The following INPP5J variants were observed in gnomAD, a reference collection of about 807,000 sequenced individuals.
INPP5J encodes the protein inositol polyphosphate-5-phosphatase J.
A neutral mutation model predicts 86.6 loss-of-function variants in INPP5J; 75 were observed. The ratio of observed to expected loss-of-function variants is 0.87; its 90% confidence interval spans 0.72 to 1.05. INPP5J has a LOEUF of 1.05. Ranked by LOEUF, INPP5J falls within the 50% of genes least tolerant of loss-of-function variation. The probability of loss-of-function intolerance (pLI) is 0.00; values close to 1 mark genes in which losing one functional copy is unlikely to be tolerated. For missense variants in INPP5J, 1,229 were observed against 1,341.2 expected (o/e 0.92, Z 1.31); for synonymous variants, 540 against 550.0 (o/e 0.98, Z 0.25).
At chr22:31,133,562 G>A (rs1181989308) in intron 11 of INPP5J, 48 bp from the exon 12 acceptor site, 2 of 1,593,356 alleles carry the variant, frequency 1.3e-6, no homozygotes, top group South Asian at 2.2e-5. Flanking sequence ...GGGCTCTCAG[G>A]TGGCCTCCCT....
chr22:31,125,320 A>G lies in INPP5J; in HGVS notation c.581A>G (p.Gln194Arg). The change falls in exon 2 of 13, where the codon CAG becomes CGG. Residue 194 changes from glutamine (Q) to arginine (R), a missense_variant. Coordinates refer to ENST00000331075, the MANE Select transcript of INPP5J (RefSeq NM_001284285.2). ...AGCCTGGCCCTGGCTTCTGAGGAGC[A>G]GCCCCCAGAACTCCCCTCCACCCCT... The part of the protein sequence containing the change: ...GLSLALASEE[Q>R]PPELPSTPSP... The G allele has an allele frequency of 6.4e-7, 1 of 1,550,492 alleles. No individual in the cohort carries two copies. Among genetic ancestry groups the G allele is most frequent in the East Asian group, 2.4e-5 (1 of 40,906 alleles).
In INPP5J at chr22:31,134,128, C is replaced by T; in HGVS notation, c.2730C>T (p.Ser910=). 6.4e-7 allele frequency: 1 copy of T among 1,550,644 alleles called. No homozygotes were observed. Among genetic ancestry groups the T allele is most frequent in the Non-Finnish European group, 8.7e-7 (1 of 1,147,038 alleles). The change falls in exon 13 of 13, where the codon AGC becomes AGT. Residue 910 remains serine, a synonymous_variant. Coordinates refer to ENST00000331075, the MANE Select transcript of INPP5J (RefSeq NM_001284285.2). ...RPSSRERRGA[S]RSPSPQSRRL... ...CATCCCGTGAACGCCGTGGTGCCAG[C>T]CGTAGCCCCTCACCCCAGAGCCGCC...
In INPP5J at chr22:31,125,215, T is replaced by G; in HGVS notation, c.476T>G (p.Leu159Arg). 6.4e-7 allele frequency: 1 copy of G among 1,550,432 alleles called. No homozygotes were observed. Among genetic ancestry groups the G allele is most frequent in the Non-Finnish European group, 8.7e-7 (1 of 1,146,940 alleles). The change falls in exon 2 of 13, where the codon CTG becomes CGG. Residue 159 changes from leucine (L) to arginine (R), a missense_variant. Physicochemically the swap from Leu to Arg is moderately radical, Grantham distance 102. Transcript: ENST00000331075. ...CCCCCAGTCACCCTGGGGCCCAATC[T>G]GGCCCCAACCTCCAGAGACCAGAAG... ...RSPPVTLGPN[L>R]APTSRDQKQE...
Position 31,134,165 on chromosome 22 carries a change from G to T in INPP5J, c.2767G>T (p.Val923Leu). The change falls in exon 13 of 13, where the codon GTG becomes TTG. Residue 923 changes from valine (V) to leucine (L), a missense_variant. Coordinates refer to ENST00000331075, the MANE Select transcript of INPP5J (RefSeq NM_001284285.2). Reference sequence around the variant, plus strand: ...ACCCCAGAGCCGCCGCCTGTCCCGAGTGGCTCCTGACAGGAGCAGTAATGG... The same window carrying T: ...ACCCCAGAGCCGCCGCCTGTCCCGATTGGCTCCTGACAGGAGCAGTAATGG... ...PSPQSRRLSRVAPDRSSNGSS... is the reference protein window; with the variant it reads ...PSPQSRRLSRLAPDRSSNGSS... 2.6e-6 allele frequency: 4 copies of T among 1,549,520 alleles called. No individual in the cohort carries two copies. The highest frequency in any genetic ancestry group is 3.5e-6 in the Non-Finnish European group (4 of 1,146,208).
At chr22:31,124,607 G>A (rs1366553864) in intron 1 of INPP5J, among the ~76,000 whole-genome samples, 1 of 152,214 alleles carries the variant, frequency 6.6e-6, no homozygotes, top group Non-Finnish European at 1.5e-5. Context: ...CAGGGTCTGA[G>A]TTTCCCCATC....
rs1268446945 is a variant in INPP5J at position 31,132,754 on chromosome 22, A to G, written c.2194-344A>G. On this transcript the variant is annotated intron_variant, in intron 9 of 12. Transcript: ENST00000331075. ...ACTCCATCTCAGAAAAAGAAAAAAA[A>G]AAAAAAGAGTCTCTGAGTTTACAGA... Among the ~76,000 whole-genome samples the G allele has an allele frequency of 7.9e-5, 12 of 151,992 alleles. No individual in the cohort carries two copies. The East Asian group carries it at 2.3e-3, about 29-fold the overall frequency.
At chr22:31,133,016 C>CTA in intron 9 of INPP5J, 82 bp from the exon 10 acceptor site, 1 of 1,525,642 alleles carries the variant, frequency 6.6e-7, no homozygotes, top group South Asian at 1.2e-5. Context: ...GCAATTTGTG[C>CTA]TAAGACCCAA....
chr22:31,131,130 C>T (rs1468491132), intron 9 of INPP5J, among the ~76,000 whole-genome samples: 1 of 152,154 alleles, frequency 6.6e-6, no homozygotes, highest in Non-Finnish European at 1.5e-5. Flanking sequence ...TGGAAATATC[C>T]CCACGCTTGG....
At chr22:31,122,926 G>A, upstream of INPP5J, 1 of 913,672 alleles carries the variant, frequency 1.1e-6, no homozygotes. Context: ...TTCTCAGCAG[G>A]TTGAAATGGC....
At chr22:31,129,563 T>TA (rs1555981490) in intron 9 of INPP5J, among the ~76,000 whole-genome samples, 2 of 134,324 alleles carry the variant, frequency 1.5e-5, no homozygotes, top group Admixed American at 7.6e-5. Flanking sequence ...TTTTTTTTTT[T>TA]AATGCAGTCT....
chr22:31,131,748 A>G (rs901734155), intron 9 of INPP5J, among the ~76,000 whole-genome samples: 1 of 152,176 alleles, frequency 6.6e-6, no homozygotes, highest in Non-Finnish European at 1.5e-5. Flanking sequence ...CAATGCAGTC[A>G]GAATAGGGCT....
Position 31,134,681 on chromosome 22 carries a change from T to G in INPP5J, c.*262T>G. On this transcript the variant is annotated 3_prime_UTR_variant, in exon 13 of 13. Transcript: ENST00000331075. Reference sequence around the variant, plus strand: ...ATCCTGGAGGTCATCCATTAGGAATTAAATTCTCCAGCCTCACTCTCGGCT... The same window carrying G: ...ATCCTGGAGGTCATCCATTAGGAATGAAATTCTCCAGCCTCACTCTCGGCT... 2.5e-6 allele frequency: 1 copy of G among 397,594 alleles called. No homozygotes were observed. 24.6% of individuals were successfully genotyped at this position (397,594 alleles called of 1,614,324 possible). A position where few individuals can be genotyped will look rare whatever the true frequency, so the allele number is the denominator to read the frequency against.
chr22:31,126,132 G>T, intron 2 of INPP5J, 122 bp downstream of exon 2: 1 of 1,060,142 alleles, frequency 9.4e-7, no homozygotes, highest in Non-Finnish European at 1.3e-6. Flanking sequence ...TTGGGGAGGG[G>T]GTTGCTGGGC....
chr22:31,133,809 C>A (rs1440640444), intron 12 of INPP5J, 95 bp downstream of exon 12: 4 of 1,589,042 alleles, frequency 2.5e-6, no homozygotes, highest in Non-Finnish European at 3.4e-6. Context: ...GACAAATAAC[C>A]TGACCTCCCA....
intron 7 of INPP5J, 65 bp downstream of exon 7, chr22:31,128,127 G>T: frequency 6.9e-7 from 1 of 1,457,852 alleles, no homozygotes. Flanking sequence ...CTTAGACTAT[G>T]GTCCCTGTCC....
rs766322918 is a variant in INPP5J, at chr22:31,125,191, C to T, written c.452C>T (p.Pro151Leu). 1.3e-4 allele frequency: 204 copies of T among 1,550,398 alleles called. No homozygotes were observed. Among genetic ancestry groups the T allele is most frequent in the Middle Eastern group, 3.3e-4 (2 of 6,014 alleles). Reference sequence around the variant, plus strand: ...CCTGCCTCAGCAGGGCCAAGATCTCCCCCAGTCACCCTGGGGCCCAATCTG... The same window carrying T: ...CCTGCCTCAGCAGGGCCAAGATCTCTCCCAGTCACCCTGGGGCCCAATCTG... Reference protein sequence around the residue: ...VMPASAGPRSPPVTLGPNLAP... With the variant: ...VMPASAGPRSLPVTLGPNLAP... The change falls in exon 2 of 13, where the codon CCC becomes CTC. Residue 151 changes from proline to leucine, a missense_variant. By Grantham distance (98) the Pro-to-Leu change is moderately conservative (BLOSUM62 -3). Transcript: ENST00000331075.
At position 31,133,128 on chromosome 22, in the gene INPP5J, C is replaced by T. The variant is rs1376875611; in HGVS notation, c.2224C>T (p.Arg742Trp). 19 of 1,568,218 alleles carry T rather than the reference C, an allele frequency of 1.2e-5. No individual in the cohort carries two copies. The highest frequency in any genetic ancestry group is 9.4e-5 in the South Asian group (8 of 85,346). Reference sequence around the variant, plus strand: ...CTTCAGGGACGACATGCCACTGGTGCGGCTGGAGGTGGCAGATGAGTGGGT... The same window carrying T: ...CTTCAGGGACGACATGCCACTGGTGTGGCTGGAGGTGGCAGATGAGTGGGT... The part of the protein sequence containing the change: ...FAFRDDMPLV[R>W]LEVADEWVRP... Residue 742 changes from arginine to tryptophan, a missense_variant, in exon 10 of 13, where the codon CGG (arginine) becomes TGG (tryptophan). Transcript: ENST00000331075.
Position 31,128,519 on chromosome 22 carries a change from C to T in INPP5J, c.2058C>T (p.Val686=), listed in dbSNP as rs777625834. 1 of 1,613,422 alleles carries T rather than the reference C, an allele frequency of 6.2e-7. No individual in the cohort carries two copies. The highest frequency in any genetic ancestry group is 8.5e-7 in the Non-Finnish European group (1 of 1,179,860). The change falls in exon 9 of 13, where the codon GTC becomes GTT. Residue 686 remains valine (V), a synonymous_variant. Coordinates refer to ENST00000331075, the MANE Select transcript of INPP5J (RefSeq NM_001284285.2). ...GGACAGACCGTATCCTATGGAAGGT[C>T]AAGGCTCCAGGTGGGGGTCCCAGCC... is the stretch of plus-strand genomic sequence containing the variant. ...PAWTDRILWK[V]KAPGGGPSPS... is the part of the protein sequence containing the mutation.
intron 1 of INPP5J, among the ~76,000 whole-genome samples, chr22:31,123,427 A>G (rs778126937): frequency 1.6e-4 from 25 of 152,236 alleles, no homozygotes; most frequent in African/African-American, 5.5e-4. Flanking sequence ...CTCTGAGCCA[A>G]TGCAAAATGA....
Sources: gnomAD v4.1 joint callset for allele counts (sites outside exome capture counted in the v4.1 genomes callset) on GRCh38, gnomAD v4.1.1 for gene constraint, MANE v1.5 for transcripts, NCBI Gene and HGNC (gene_info 2026-07-23, HGNC 2026-07-21) for gene names.